Variants in NELL1 observed in about 807,000 individuals in gnomAD.
NELL1 encodes protein kinase C-binding protein NELL1.
A neutral mutation model predicts 107.4 loss-of-function variants in NELL1; 76 were observed. The ratio of observed to expected loss-of-function variants is 0.71; its 90% confidence interval spans 0.59 to 0.86. The LOEUF (loss-of-function observed/expected upper bound fraction) is 0.86. Among genes scored for constraint, NELL1 ranks in the 40% least tolerant of loss-of-function variants. NELL1 has a pLI of 0.00. For synonymous variants in NELL1, 353 were observed against 341.2 expected (o/e 1.03, Z -0.38); for missense variants, 1,024 against 1,005.5 (o/e 1.02, Z -0.25).
At chr11:21,357,093 GA>G in intron 14 of NELL1, among the ~76,000 whole-genome samples, 1 of 152,268 alleles carries the variant, frequency 6.6e-6, no homozygotes, top group Admixed American at 6.5e-5. Flanking sequence ...TTGCAATTGT[GA>G]ATTGTGCTGC....
At chr11:21,084,540 C>T (rs578085778) in intron 12 of NELL1, among the ~76,000 whole-genome samples, 9 of 152,270 alleles carry the variant, frequency 5.9e-5, no homozygotes, top group African/African-American at 2.2e-4. Context: ...GAGTCTCGCT[C>T]TCCACATTAC....
At chr11:21,526,112 C>T (rs1161146730) in intron 15 of NELL1, among the ~76,000 whole-genome samples, 3 of 152,126 alleles carry the variant, frequency 2.0e-5, no homozygotes, top group Non-Finnish European at 4.4e-5. Context: ...TACTTACCTC[C>T]TAGATACAGT....
At chr11:21,122,952 C>T (rs1334955501) in intron 13 of NELL1, among the ~76,000 whole-genome samples, 2 of 152,124 alleles carry the variant, frequency 1.3e-5, no homozygotes, top group Non-Finnish European at 2.9e-5. Context: ...TTCTTTCTAA[C>T]TTTTTACTTG....
chr11:21,212,256 G>T (rs535579099), intron 13 of NELL1, among the ~76,000 whole-genome samples: 3 of 152,232 alleles, frequency 2.0e-5, no homozygotes, highest in South Asian at 2.1e-4. Context: ...ATACTTAATT[G>T]ATATGGATGA....
At position 21,404,006 on chromosome 11, in the gene NELL1, C is replaced by CCCT. The variant is rs1554905736; in HGVS notation, c.1645+33060_1645+33061insTCC. On this transcript the variant is annotated intron_variant, in intron 15 of 19. Coordinates refer to ENST00000357134, the MANE Select transcript of NELL1 (RefSeq NM_006157.5). ...GGAAAATATCTCTGTCATTCCTGAA[C>CCCT]CCCCCCCCCCGCAATCAAAACCACT... Among the ~76,000 whole-genome samples, 14 of 10,238 alleles carry CCCT rather than the reference C, an allele frequency of 1.4e-3. 1 individual carries two copies. Among genetic ancestry groups the CCCT allele is most frequent in the African/African-American group, 3.3e-3 (14 of 4,242 alleles). The allele number at this position is 10,238 out of a possible 152,430, so 6.7% of individuals were successfully genotyped here.
intron 15 of NELL1, among the ~76,000 whole-genome samples, chr11:21,514,863 T>C (rs527792006): frequency 4.0e-4 from 61 of 152,312 alleles, no homozygotes; most frequent in African/African-American, 1.4e-3. Flanking sequence ...GAGGACTGGC[T>C]TCCAATGTAT....
At chr11:21,417,632 G>A (rs1462682983) in intron 15 of NELL1, among the ~76,000 whole-genome samples, 1 of 151,992 alleles carries the variant, frequency 6.6e-6, no homozygotes, top group African/African-American at 2.4e-5. Context: ...TTAAAATGCA[G>A]GAAAGTAGTT....
intron 14 of NELL1, among the ~76,000 whole-genome samples, chr11:21,234,468 C>T (rs960766136): frequency 2.0e-5 from 3 of 152,096 alleles, no homozygotes; most frequent in East Asian, 1.9e-4. Flanking sequence ...CATGATTGGG[C>T]GTGGGACAGG....
intron 15 of NELL1, among the ~76,000 whole-genome samples, chr11:21,494,866 C>A (rs1854936043): frequency 1.3e-5 from 2 of 151,792 alleles, no homozygotes; most frequent in East Asian, 3.9e-4. Flanking sequence ...ACTTTTCTCC[C>A]ATCATACATC....
At chr11:20,984,037 A>T (rs1001933153) in intron 12 of NELL1, among the ~76,000 whole-genome samples, 2 of 151,878 alleles carry the variant, frequency 1.3e-5, no homozygotes, top group Non-Finnish European at 2.9e-5. Flanking sequence ...GTTATCGTCT[A>T]TCTTTTTTTT....
At chr11:20,874,867 CT>C (rs2134092634) in intron 4 of NELL1, among the ~76,000 whole-genome samples, 1 of 152,354 alleles carries the variant, frequency 6.6e-6, no homozygotes, top group South Asian at 2.1e-4. Context: ...ACACGATGGT[CT>C]TCCAAATACT....
intron 12 of NELL1, among the ~76,000 whole-genome samples, chr11:21,095,064 G>A (rs1422399847): frequency 1.3e-5 from 2 of 152,184 alleles, no homozygotes; most frequent in Non-Finnish European, 2.9e-5. Context: ...CAGCAGCCAA[G>A]TCACCTCTTG....
chr11:21,446,436 C>T (rs1853431311), intron 15 of NELL1, among the ~76,000 whole-genome samples: 1 of 152,092 alleles, frequency 6.6e-6, no homozygotes, highest in Non-Finnish European at 1.5e-5. Flanking sequence ...GAGTTAGGTA[C>T]TTACTGTAGT....
intron 15 of NELL1, among the ~76,000 whole-genome samples, chr11:21,529,860 T>C (rs1247529635): frequency 6.6e-6 from 1 of 152,198 alleles, no homozygotes; most frequent in East Asian, 1.9e-4. Context: ...TTTGATTTTA[T>C]CATTCTCAAC....
intron 3 of NELL1, among the ~76,000 whole-genome samples, chr11:20,801,820 G>A (rs930506395): frequency 1.1e-4 from 17 of 152,226 alleles, no homozygotes; most frequent in Admixed American, 2.6e-4. Flanking sequence ...TCCCAGCATC[G>A]TTTATTGAAG....
At chr11:20,980,619 A>C (rs183200296) in intron 12 of NELL1, among the ~76,000 whole-genome samples, 1 of 152,218 alleles carries the variant, frequency 6.6e-6, no homozygotes, top group Non-Finnish European at 1.5e-5. Context: ...AATAAGTTCT[A>C]TACAGTTCTG....
intron 17 of NELL1, among the ~76,000 whole-genome samples, chr11:21,563,173 T>C (rs1461890288): frequency 6.6e-6 from 1 of 152,108 alleles, no homozygotes; most frequent in Non-Finnish European, 1.5e-5. Context: ...AAATCTTGGT[T>C]ACAGCCCAGC....
intron 14 of NELL1, among the ~76,000 whole-genome samples, chr11:21,323,958 C>T (rs1307237356): frequency 6.6e-6 from 1 of 152,122 alleles, no homozygotes. Context: ...TCCTTTCTTT[C>T]ATTCTCAAGC....
intron 2 of NELL1, among the ~76,000 whole-genome samples, chr11:20,735,676 A>G (rs1163184121): frequency 1.3e-5 from 2 of 152,180 alleles, no homozygotes; most frequent in East Asian, 1.9e-4. Context: ...AGTGGCCAGC[A>G]TGAAACCTTG....
Sources: gnomAD v4.1 joint callset for allele counts (sites outside exome capture counted in the v4.1 genomes callset) on GRCh38, gnomAD v4.1.1 for gene constraint, MANE v1.5 for transcripts, NCBI Gene and HGNC (gene_info 2026-07-23, HGNC 2026-07-21) for gene names.